NRXN1: variants seen among roughly 807,000 people sequenced by gnomAD.
NRXN1 encodes the protein neurexin 1.
In NRXN1, 39 loss-of-function variants were observed where a neutral mutation model predicts 150.9. The observed-to-expected ratio is 0.26, with a 90% CI of 0.20 to 0.34. NRXN1 has a LOEUF of 0.34. NRXN1 is among the 10% of genes least tolerant of loss of function. The pLI, the probability that NRXN1 is intolerant of heterozygous loss-of-function variation, is 1.00. For missense variants in NRXN1, 1,815 were observed against 1,949.9 expected (o/e 0.93, Z 1.30); for synonymous variants, 924 against 757.0 (o/e 1.22, Z -3.62).
chr2:50,875,576 C>A (rs1429546642), intron 5 of NRXN1, among the ~76,000 whole-genome samples: 1 of 151,758 alleles, frequency 6.6e-6, no homozygotes, highest in East Asian at 2.0e-4. Context: ...GATAAGATTT[C>A]TACCTCATGC....
chr2:50,792,919 T>C (rs957875970), intron 5 of NRXN1, among the ~76,000 whole-genome samples: 2 of 152,096 alleles, frequency 1.3e-5, no homozygotes, highest in Non-Finnish European at 2.9e-5. Context: ...AATTGAGATT[T>C]GAGCACTGAT....
intron 18 of NRXN1, among the ~76,000 whole-genome samples, chr2:50,211,161 A>C (rs2062986637): frequency 6.6e-6 from 1 of 151,704 alleles, no homozygotes; most frequent in Non-Finnish European, 1.5e-5. Context: ...TGTTGAGGGA[A>C]GTTCCTCTTA....
At chr2:50,429,242 AG>A (rs1252173352) in intron 17 of NRXN1, among the ~76,000 whole-genome samples, 1 of 151,350 alleles carries the variant, frequency 6.6e-6, no homozygotes, top group Non-Finnish European at 1.5e-5. Flanking sequence ...CTCTTTTTTT[AG>A]GAAAAAAAAA....
At chr2:50,492,329 C>A (rs748108712) in intron 15 of NRXN1, among the ~76,000 whole-genome samples, 1 of 152,084 alleles carries the variant, frequency 6.6e-6, no homozygotes, top group Non-Finnish European at 1.5e-5. Flanking sequence ...GAGAATCGAG[C>A]GGTGTCATGA....
chr2:50,122,989 G>T (rs182792940), intron 18 of NRXN1, among the ~76,000 whole-genome samples: 1 of 152,114 alleles, frequency 6.6e-6, no homozygotes, highest in African/African-American at 2.4e-5. Flanking sequence ...CTGTTTGCTA[G>T]AGCGATAGAT....
At chr2:50,195,810 T>C (rs1277739288) in intron 18 of NRXN1, among the ~76,000 whole-genome samples, 2 of 152,114 alleles carry the variant, frequency 1.3e-5, no homozygotes, top group African/African-American at 4.8e-5. Context: ...GGACTATTAA[T>C]AATATTAATG....
At chr2:50,978,624 G>C (rs1696294425) in intron 2 of NRXN1, among the ~76,000 whole-genome samples, 1 of 151,908 alleles carries the variant, frequency 6.6e-6, no homozygotes, top group East Asian at 1.9e-4. Context: ...GGCTAATGCA[G>C]GGTATCAATG....
At chr2:50,802,536 A>C (rs1707754225) in intron 5 of NRXN1, among the ~76,000 whole-genome samples, 1 of 146,354 alleles carries the variant, frequency 6.8e-6, no homozygotes, top group Non-Finnish European at 1.5e-5. Context: ...GAAGGAAGGA[A>C]GGAAGGAAGG....
At chr2:50,312,896 A>T in intron 17 of NRXN1, 2 of 440,674 alleles carry the variant, frequency 4.5e-6, no homozygotes, top group Non-Finnish European at 9.1e-6. Context: ...TACATAAGCA[A>T]CTTGTTAGGG....
chr2:50,819,465 C>T (rs1669401264), intron 5 of NRXN1, among the ~76,000 whole-genome samples: 1 of 151,946 alleles, frequency 6.6e-6, no homozygotes, highest in Non-Finnish European at 1.5e-5. Context: ...CTATGAGGTA[C>T]CTAAAATGAT....
chr2:50,812,025 T>C (rs1287183738), intron 5 of NRXN1, among the ~76,000 whole-genome samples: 3 of 152,138 alleles, frequency 2.0e-5, no homozygotes, highest in Middle Eastern at 3.2e-3. Flanking sequence ...CTCTTTTAAT[T>C]GTATACAGAT....
At chr2:50,333,796 C>A (rs183101387) in intron 17 of NRXN1, among the ~76,000 whole-genome samples, 2 of 152,062 alleles carry the variant, frequency 1.3e-5, no homozygotes, top group Admixed American at 1.3e-4. Context: ...TCTCTGCATT[C>A]TTGGCACTCA....
intron 18 of NRXN1, among the ~76,000 whole-genome samples, chr2:50,128,022 T>C (rs1704865486): frequency 6.6e-6 from 1 of 152,190 alleles, no homozygotes; most frequent in South Asian, 2.1e-4. Flanking sequence ...CCTTTCATCA[T>C]AGATGTCTTC....
At chr2:50,241,013 C>G (rs575113169) in intron 17 of NRXN1, among the ~76,000 whole-genome samples, 1 of 151,510 alleles carries the variant, frequency 6.6e-6, no homozygotes, top group Non-Finnish European at 1.5e-5. Flanking sequence ...AATGACATTC[C>G]TACCTCGTAA....
intron 18 of NRXN1, among the ~76,000 whole-genome samples, chr2:50,150,824 G>A (rs1338788622): frequency 6.6e-6 from 1 of 151,634 alleles, no homozygotes; most frequent in Non-Finnish European, 1.5e-5. Flanking sequence ...GGCCAGAGTT[G>A]GTAGATTGAG....
intron 15 of NRXN1, among the ~76,000 whole-genome samples, chr2:50,473,668 A>G (rs1397066835): frequency 6.6e-6 from 1 of 151,990 alleles, no homozygotes; most frequent in African/African-American, 2.4e-5. Flanking sequence ...GTAACACAAA[A>G]ATCCTGCAAT....
At chr2:50,667,062 C>A (rs1342809243) in intron 5 of NRXN1, among the ~76,000 whole-genome samples, 2 of 151,860 alleles carry the variant, frequency 1.3e-5, no homozygotes, top group African/African-American at 4.8e-5. Context: ...CCATATACTT[C>A]TTCATTCTTC....
At chr2:50,470,290 T>C (rs2089333193) in intron 16 of NRXN1, among the ~76,000 whole-genome samples, 1 of 151,766 alleles carries the variant, frequency 6.6e-6, no homozygotes, top group Non-Finnish European at 1.5e-5. Flanking sequence ...TTGATCCCCT[T>C]AACAATTTTG....
intron 18 of NRXN1, among the ~76,000 whole-genome samples, chr2:50,168,118 T>G (rs1225934332): frequency 1.3e-5 from 2 of 152,144 alleles, no homozygotes; most frequent in African/African-American, 4.8e-5. Context: ...GAAGGATGTG[T>G]CTCTGCCTCA....
Sources: gnomAD v4.1 joint callset for allele counts (sites outside exome capture counted in the v4.1 genomes callset) on GRCh38, gnomAD v4.1.1 for gene constraint, MANE v1.5 for transcripts, NCBI Gene and HGNC (gene_info 2026-07-23, HGNC 2026-07-21) for gene names.